Variants in CHST9 observed in about 807,000 individuals in gnomAD.
CHST9 encodes the protein GalNAc-4-sulfotransferase 2.
In CHST9, 41 loss-of-function variants were observed where a neutral mutation model predicts 44.4. That is an observed-to-expected ratio of 0.92 (90% confidence interval 0.72 to 1.20). The LOEUF (loss-of-function observed/expected upper bound fraction) is 1.20, where lower values mean the gene tolerates loss of function less well. Ranked by LOEUF, CHST9 falls within the 50% of genes most tolerant of loss-of-function variation. CHST9 has a pLI of 0.00. For missense variants in CHST9, 504 were observed against 516.5 expected (o/e 0.98, Z 0.23); for synonymous variants, 171 against 178.4 (o/e 0.96, Z 0.33).
chr18:27,023,993 G>A (rs762868905), intron 4 of CHST9, 123 bp downstream of exon 4: 74 of 923,152 alleles, frequency 8.0e-5, no homozygotes, highest in Non-Finnish European at 1.1e-4. Context: ...TGCTTCCTAG[G>A]GATGGCTATC....
intron 4 of CHST9, among the ~76,000 whole-genome samples, chr18:26,978,878 C>A (rs2056657490): frequency 1.3e-5 from 2 of 152,154 alleles, no homozygotes; most frequent in Non-Finnish European, 2.9e-5. Flanking sequence ...CAGAGCTGAA[C>A]AGAGTGGGTT....
intron 4 of CHST9, among the ~76,000 whole-genome samples, chr18:26,967,129 A>AAT (rs1412520697): frequency 3.3e-5 from 5 of 152,122 alleles, no homozygotes; most frequent in African/African-American, 1.2e-4. Flanking sequence ...AGACGTTTCC[A>AAT]ATACTGAGAG....
intron 4 of CHST9, among the ~76,000 whole-genome samples, chr18:27,010,912 C>T (rs1052159317): frequency 2.8e-5 from 4 of 143,056 alleles, no homozygotes; most frequent in African/African-American, 5.0e-5. Flanking sequence ...AAAGAGAGGG[C>T]GGTGAATACA....
chr18:26,944,003 T>C (rs911121124), intron 5 of CHST9, among the ~76,000 whole-genome samples: 4 of 152,114 alleles, frequency 2.6e-5, no homozygotes, highest in African/African-American at 7.2e-5. Flanking sequence ...TAGATGGAAG[T>C]ATCTATTTGC....
chr18:27,111,983 T>C (rs2058274691), intron 2 of CHST9, among the ~76,000 whole-genome samples: 1 of 152,022 alleles, frequency 6.6e-6, no homozygotes, highest in Admixed American at 6.6e-5. Context: ...AGCTTACAGA[T>C]GGCAGATCAT....
At chr18:27,043,667 T>C (rs2057469305) in intron 3 of CHST9, among the ~76,000 whole-genome samples, 1 of 152,108 alleles carries the variant, frequency 6.6e-6, no homozygotes, top group Non-Finnish European at 1.5e-5. Context: ...ATATGCTTCC[T>C]GATTTCCTTG....
At chr18:26,925,040 G>A (rs1275590623) in intron 5 of CHST9, among the ~76,000 whole-genome samples, 1 of 152,218 alleles carries the variant, frequency 6.6e-6, no homozygotes, top group East Asian at 1.9e-4. Flanking sequence ...GCATCCTTGT[G>A]GTCAGGGTGG....
intron 2 of CHST9, among the ~76,000 whole-genome samples, chr18:27,095,191 C>T (rs1316578868): frequency 6.6e-6 from 1 of 152,074 alleles, no homozygotes; most frequent in African/African-American, 2.4e-5. Flanking sequence ...GTGAACTGTG[C>T]ACCACATATT....
intron 5 of CHST9, among the ~76,000 whole-genome samples, chr18:26,943,029 AC>A (rs2145114388): frequency 6.6e-6 from 1 of 152,106 alleles, no homozygotes; most frequent in African/African-American, 2.4e-5. Flanking sequence ...AATTGCTTGA[AC>A]CTGGGAGGCG....
chr18:26,954,947 A>G (rs1379188335), intron 4 of CHST9, among the ~76,000 whole-genome samples: 2 of 152,008 alleles, frequency 1.3e-5, no homozygotes, highest in Non-Finnish European at 2.9e-5. Flanking sequence ...GAACACCTAG[A>G]GTGTTCAATA....
At chr18:27,091,869 C>T (rs530381834) in intron 2 of CHST9, among the ~76,000 whole-genome samples, 39 of 152,176 alleles carry the variant, frequency 2.6e-4, no homozygotes, top group African/African-American at 8.7e-4. Context: ...TGAGGATTTT[C>T]GCATTGATGT....
At chr18:26,988,501 A>T (rs964136835) in intron 4 of CHST9, among the ~76,000 whole-genome samples, 1 of 152,174 alleles carries the variant, frequency 6.6e-6, no homozygotes, top group East Asian at 1.9e-4. Flanking sequence ...GGACAAAACA[A>T]TGCTAAGTGT....
intron 4 of CHST9, among the ~76,000 whole-genome samples, chr18:27,011,574 G>A (rs906566213): frequency 3.9e-5 from 6 of 152,196 alleles, no homozygotes; most frequent in Non-Finnish European, 8.8e-5. Context: ...ATCCCACCAG[G>A]AAACTAGAGT....
Position 26,917,385 on chromosome 18 carries a change from C to T in CHST9, c.241-35G>A, listed in dbSNP as rs1345191849. On this transcript the variant is annotated intron_variant, in intron 5 of 5. Transcript: ENST00000618847. ...TAAAGAAGGAGAAATGTTGAAAGCA[C>T]AGTCACGAGTGTGGGTATACTGGAT... The T allele has an allele frequency of 1.9e-6, 3 of 1,589,134 alleles. No individual in the cohort carries two copies. The South Asian group carries it at 3.4e-5, about 18-fold the overall frequency.
chr18:26,970,875 G>A (rs1039899832), intron 4 of CHST9, among the ~76,000 whole-genome samples: 2 of 152,170 alleles, frequency 1.3e-5, no homozygotes, highest in African/African-American at 4.8e-5. Flanking sequence ...GGTGATATAT[G>A]TTACCTTCTA....
At chr18:27,124,333 G>A (rs1428026525) in intron 2 of CHST9, among the ~76,000 whole-genome samples, 1 of 152,182 alleles carries the variant, frequency 6.6e-6, no homozygotes, top group African/African-American at 2.4e-5. Flanking sequence ...AAATTTCAGA[G>A]ATACAGAGGG....
At chr18:27,122,178 G>A (rs1444799811) in intron 2 of CHST9, among the ~76,000 whole-genome samples, 8 of 152,192 alleles carry the variant, frequency 5.3e-5, no homozygotes, top group Non-Finnish European at 8.8e-5. Context: ...ATGAATTACA[G>A]ACATTTCTCA....
chr18:26,995,258 C>CT (rs1330213239), intron 4 of CHST9, among the ~76,000 whole-genome samples: 2 of 92,030 alleles, frequency 2.2e-5, no homozygotes, highest in African/African-American at 1.3e-4. Context: ...CCCATCTCTA[C>CT]TAAAAAAAAA....
At chr18:27,120,915 T>C (rs1341604885) in intron 2 of CHST9, among the ~76,000 whole-genome samples, 1 of 152,200 alleles carries the variant, frequency 6.6e-6, no homozygotes, top group African/African-American at 2.4e-5. Context: ...GGTCATTTTG[T>C]GAGCTCCTTT....
Sources: gnomAD v4.1 joint callset for allele counts (sites outside exome capture counted in the v4.1 genomes callset) on GRCh38, gnomAD v4.1.1 for gene constraint, MANE v1.5 for transcripts, NCBI Gene and HGNC (gene_info 2026-07-23, HGNC 2026-07-21) for gene names.